The following HLA-DQB1 variants were observed in gnomAD, a reference collection of about 807,000 sequenced individuals.
HLA-DQB1 encodes the protein major histocompatibility complex, class II, DQ beta 1.
A neutral mutation model predicts 26.4 loss-of-function variants in HLA-DQB1; 13 were observed. The observed-to-expected ratio is 0.49, with a 90% CI of 0.32 to 0.78. The LOEUF (loss-of-function observed/expected upper bound fraction) is 0.78, where lower values mean the gene tolerates loss of function less well. Ranked by LOEUF, HLA-DQB1 falls within the 30% of genes least tolerant of loss-of-function variation. The probability of loss-of-function intolerance (pLI) is 0.03; values close to 1 mark genes in which losing one functional copy is unlikely to be tolerated. For synonymous variants in HLA-DQB1, 60 were observed against 129.1 expected (o/e 0.46, Z 3.63); for missense variants, 158 against 326.2 (o/e 0.48, Z 3.97).
At chr6:32,665,907 CATT>C (rs67545626) in intron 1 of HLA-DQB1, among the ~76,000 whole-genome samples, 26,508 of 132,312 alleles carry the variant, frequency 0.2, 3,243 homozygotes, top group East Asian at 0.33. Context: ...TTCAGTCCAC[CATT>C]AACTCGGGTC....
chr6:32,660,928 C>A (rs117988605), intron 4 of HLA-DQB1: 23,808 of 1,326,648 alleles, frequency 0.018, 1,683 homozygotes, highest in East Asian at 0.16. Flanking sequence ...ACACAAACAG[C>A]CACTCTCTCA....
chr6:32,660,575 T>G, intron 4 of HLA-DQB1: 1 of 374,004 alleles, frequency 2.7e-6, no homozygotes, highest in Non-Finnish European at 4.8e-6. Flanking sequence ...TTACAGGCAG[T>G]AGCCACCATC....
At chr6:32,665,322 C>G (rs9274434) in intron 1 of HLA-DQB1, among the ~76,000 whole-genome samples, 11,191 of 125,766 alleles carry the variant, frequency 0.089, 906 homozygotes, top group East Asian at 0.18. Flanking sequence ...CCTGTGAACC[C>G]AGCGAAGAGG....
intron 3 of HLA-DQB1, 26 bp downstream of exon 3, chr6:32,661,941 G>A (rs36233043): frequency 0.17 from 246,944 of 1,425,866 alleles, 24,688 homozygotes; most frequent in South Asian, 0.22. Context: ...TGGGCCCATA[G>A]TAACAGAAAC....
intron 1 of HLA-DQB1, among the ~76,000 whole-genome samples, chr6:32,665,277 C>G (rs9274430): frequency 0.73 from 91,139 of 124,332 alleles, 35,190 homozygotes; most frequent in Middle Eastern, 0.84. Flanking sequence ...CTTCCTACAT[C>G]CAGGAAAGGG....
chr6:32,664,751 G>A lies in HLA-DQB1; in HGVS notation c.379+47C>T, dbSNP rs28746793. ...ATCGCCCCTCCCGGCACAGAAACTC[G>A]GGGTCTCGGCCAAGGGTGGGCCTCA... is the stretch of plus-strand genomic sequence containing the variant. On this transcript the variant is annotated intron_variant, in intron 2 of 4. Coordinates refer to ENST00000434651, the Ensembl canonical transcript of HLA-DQB1. The A allele has an allele frequency of 5.8e-6, 4 of 693,030 alleles. 1 individual carries two copies. Among genetic ancestry groups the A allele is most frequent in the East Asian group, 4.9e-5 (1 of 20,470 alleles). 42.9% of individuals were successfully genotyped at this position (693,030 alleles called of 1,614,324 possible).
Position 32,660,360 on chromosome 6 carries a change from G to A in HLA-DQB1, c.773-111C>T, listed in dbSNP as rs965354132. The A allele has an allele frequency of 2.4e-5, 13 of 545,152 alleles. 1 individual carries two copies. Among genetic ancestry groups the A allele is most frequent in the African/African-American group, 1.9e-4 (10 of 52,616 alleles). 33.8% of individuals were successfully genotyped at this position (545,152 alleles called of 1,614,324 possible). A position where few individuals can be genotyped will look rare whatever the true frequency, so the allele number is the denominator to read the frequency against. ...TTCAGACAGAGAAAGTTGAGGTCCA[G>A]GGTGTATTGTCATCACCTCCCCCAA... On this transcript the variant is annotated intron_variant, in intron 4 of 4. Coordinates refer to ENST00000434651, the Ensembl canonical transcript of HLA-DQB1.
At chr6:32,660,898 ATG>A in intron 4 of HLA-DQB1, 2 of 1,518,858 alleles carry the variant, frequency 1.3e-6, no homozygotes, top group East Asian at 5.3e-5. Flanking sequence ...AAAGGAAGTT[ATG>A]CAGAGAAAGG....
chr6:32,664,661 C>CTAA lies in HLA-DQB1; in HGVS notation c.379+136_379+137insTTA, dbSNP rs9282151. The CTAA allele has an allele frequency of 9.7e-5, 26 of 268,156 alleles. 5 individuals carry two copies. Among genetic ancestry groups the CTAA allele is most frequent in the Non-Finnish European group, 1.6e-4 (25 of 161,106 alleles). 16.6% of individuals were successfully genotyped at this position (268,156 alleles called of 1,614,324 possible). A position where few individuals can be genotyped will look rare whatever the true frequency, so the allele number is the denominator to read the frequency against. The stretch of plus-strand genomic sequence containing the variant: ...CTCCGATGCACCTGCCCCCACCACC[C>CTAA]CGCCGCCGCCTCCTTTCCCCTGGGG... On this transcript the variant is annotated intron_variant, in intron 2 of 4. Coordinates refer to ENST00000434651, the Ensembl canonical transcript of HLA-DQB1.
In HLA-DQB1 at chr6:32,661,069, A is replaced by C. The variant is rs1353781961; in HGVS notation, c.772+278T>G. Among the ~76,000 whole-genome samples, 2 of 142,022 alleles carry C rather than the reference A, an allele frequency of 1.4e-5. 1 individual carries two copies. Among genetic ancestry groups the C allele is most frequent in the Admixed American group, 1.5e-4 (2 of 13,226 alleles). 93.2% of individuals were successfully genotyped at this position (142,022 alleles called of 152,430 possible). On this transcript the variant is annotated intron_variant, in intron 4 of 4. Coordinates refer to ENST00000434651, the Ensembl canonical transcript of HLA-DQB1. ...TTGTCACTAGAAAGAAAGGAAGCTGAGGCTCTGACCCTCTTAATGGAGGAA... is the reference window on the plus strand; with the variant it reads ...TTGTCACTAGAAAGAAAGGAAGCTGCGGCTCTGACCCTCTTAATGGAGGAA...
chr6:32,664,650 C>G, intron 2 of HLA-DQB1, 148 bp downstream of exon 2: 1 of 135,320 alleles, frequency 7.4e-6, no homozygotes, highest in Non-Finnish European at 1.3e-5. Context: ...GATGCACCTG[C>G]CCCCACCACC....
chr6:32,662,032 C>T (rs701564), exon 3 of HLA-DQB1: 196,506 of 1,353,628 alleles, frequency 0.15, 26,923 homozygotes, highest in East Asian at 0.33. Context: ...GACATCTCCA[C>T]GCTGGGGAGT....
In HLA-DQB1 at chr6:32,662,111, C is replaced by T. The variant is rs281864122; in HGVS notation, c.517G>A (p.Gly173Ser). 8.6e-6 allele frequency: 13 copies of T among 1,505,262 alleles called. 1 individual carries two copies. The highest frequency in any genetic ancestry group is 4.4e-5 in the African/African-American group (3 of 68,828). The allele number at this position is 1,505,262 out of a possible 1,614,324, so 93.2% of individuals were successfully genotyped here. A position where few individuals can be genotyped will look rare whatever the true frequency, so the allele number is the denominator to read the frequency against. ...CTAATAAGGGGGGTGGACACAACGCCGGCTGTCTCCTCCTGATCATTCCGA... is the reference window on the plus strand; with the variant it reads ...CTAATAAGGGGGGTGGACACAACGCTGGCTGTCTCCTCCTGATCATTCCGA... The change falls in exon 3 of 5, where the codon GGC (glycine) becomes AGC (serine). Residue 173 changes from glycine (G) to serine (S), a missense_variant. Physicochemically the swap from Gly to Ser is moderately conservative, Grantham distance 56 (BLOSUM62 0). Transcript: ENST00000434651.
At chr6:32,665,056 A>G (rs12722107) in exon 2 of HLA-DQB1, 33,060 of 1,358,968 alleles carry the variant, frequency 0.024, 6,333 homozygotes, top group South Asian at 0.2. Context: ...TTAAACTGGA[A>G]CACGAAATCC....
At chr6:32,660,215 T>C (rs1063343) in exon 5 of HLA-DQB1, 84,718 of 842,016 alleles carry the variant, frequency 0.1, 23,874 homozygotes, top group Admixed American at 0.32. Context: ...TAACCAATCC[T>C]AGTTAAAATA....
exon 2 of HLA-DQB1, chr6:32,665,026 T>A: frequency 7.1e-7 from 1 of 1,404,118 alleles, no homozygotes. Context: ...TCCGTCCCGT[T>A]GGTGAAGTAG....
chr6:32,661,926 T>C, intron 3 of HLA-DQB1, 41 bp downstream of exon 3: 2 of 1,236,794 alleles, frequency 1.6e-6, no homozygotes, highest in Non-Finnish European at 2.2e-6. Flanking sequence ...GAGCTCTTTG[T>C]CTTGTGGGCC....
chr6:32,666,207 T>A (rs281861098), intron 1 of HLA-DQB1, among the ~76,000 whole-genome samples: 1 of 151,338 alleles, frequency 6.6e-6, no homozygotes, highest in African/African-American at 2.4e-5. Flanking sequence ...TCTTCAAAAA[T>A]AACCCCATGC....
At chr6:32,660,567 A>C in intron 4 of HLA-DQB1, 1 of 365,468 alleles carries the variant, frequency 2.7e-6, no homozygotes, top group South Asian at 4.1e-5. Context: ...GAAAATGCTT[A>C]CAGGCAGTAG....
Sources: gnomAD v4.1 joint callset for allele counts (sites outside exome capture counted in the v4.1 genomes callset) on GRCh38, gnomAD v4.1.1 for gene constraint, MANE v1.5 for transcripts, NCBI Gene and HGNC (gene_info 2026-07-23, HGNC 2026-07-21) for gene names.